The following PPIG variants were observed in gnomAD, a reference collection of about 807,000 sequenced individuals.
The protein encoded by PPIG is peptidylprolyl isomerase G.
PPIG carries 26 observed loss-of-function variants against 87.9 expected under a neutral mutation model. The ratio of observed to expected loss-of-function variants is 0.30; its 90% CI spans 0.22 to 0.41. The LOEUF is 0.41. PPIG is among the 10% of genes least tolerant of loss of function. PPIG has a pLI of 1.00. For missense variants in PPIG, 722 were observed against 879.4 expected (o/e 0.82, Z 2.26); for synonymous variants, 308 against 276.5 (o/e 1.11, Z -1.13).
In PPIG at chr2:169,631,756, G is replaced by A. The variant is rs551996680; in HGVS notation, c.762-10G>A. On this transcript the variant is annotated splice_polypyrimidine_tract_variant and intron_variant, in intron 10 of 13. Coordinates refer to ENST00000260970, the MANE Select transcript of PPIG (RefSeq NM_004792.3). ...ACTGTAACTTGTTTTGTGTGTTTCT[G>A]TCTGTTAAGTGCATCTAGTGAGAGT... The A allele has an allele frequency of 1.5e-5, 24 of 1,613,478 alleles. No individual in the cohort carries two copies. The highest frequency in any genetic ancestry group is 2.0e-5 in the Non-Finnish European group (24 of 1,179,768).
At chr2:169,597,972 A>G (rs767159165) in intron 1 of PPIG, among the ~76,000 whole-genome samples, 5 of 149,396 alleles carry the variant, frequency 3.3e-5, no homozygotes, top group Non-Finnish European at 7.4e-5. Flanking sequence ...AAGTGCTGGG[A>G]TTATAAGCAT....
At chr2:169,602,229 A>C (rs955911751) in intron 1 of PPIG, among the ~76,000 whole-genome samples, 2 of 151,980 alleles carry the variant, frequency 1.3e-5, no homozygotes, top group African/African-American at 4.8e-5. Context: ...ATTCAAAAAA[A>C]AAATCTGAAA....
At chr2:169,626,221 A>C (rs2105512955) in intron 9 of PPIG, among the ~76,000 whole-genome samples, 1 of 152,334 alleles carries the variant, frequency 6.6e-6, no homozygotes, top group Non-Finnish European at 1.5e-5. Context: ...CTCAAGCCAC[A>C]GTCTTACAGA....
intron 1 of PPIG, among the ~76,000 whole-genome samples, chr2:169,590,544 A>G (rs1027483901): frequency 1.3e-5 from 2 of 152,056 alleles, no homozygotes; most frequent in Admixed American, 1.3e-4. Context: ...CGGGAGGCTG[A>G]GGCAGAAGAA....
At chr2:169,623,715 T>C (rs1685812349) in intron 9 of PPIG, among the ~76,000 whole-genome samples, 1 of 152,132 alleles carries the variant, frequency 6.6e-6, no homozygotes, top group Non-Finnish European at 1.5e-5. Flanking sequence ...TATTGGAAAA[T>C]AGTGAGATGT....
intron 9 of PPIG, among the ~76,000 whole-genome samples, chr2:169,628,741 A>G (rs1332868842): frequency 6.6e-6 from 1 of 152,072 alleles, no homozygotes; most frequent in African/African-American, 2.4e-5. Flanking sequence ...GGAGTTCGAG[A>G]CTAGCCTAGG....
chr2:169,592,937 G>C (rs1684908435), intron 1 of PPIG, among the ~76,000 whole-genome samples: 1 of 152,056 alleles, frequency 6.6e-6, no homozygotes, highest in South Asian at 2.1e-4. Flanking sequence ...ACATATTCAA[G>C]GGATTTGTGT....
intron 9 of PPIG, among the ~76,000 whole-genome samples, chr2:169,618,906 C>G (rs1685672547): frequency 1.3e-5 from 2 of 151,324 alleles, no homozygotes; most frequent in Non-Finnish European, 2.9e-5. Flanking sequence ...TCGTCTTCTG[C>G]TAGCTTCTGC....
intron 11 of PPIG, among the ~76,000 whole-genome samples, 167 bp from the exon 12 acceptor site, chr2:169,632,993 G>T (rs958614177): frequency 2.6e-5 from 4 of 151,260 alleles, no homozygotes; most frequent in East Asian, 2.0e-4. Flanking sequence ...AGCCAGGATG[G>T]TCTCCATCTC....
At chr2:169,612,351 T>C (rs1373839875) in intron 7 of PPIG, among the ~76,000 whole-genome samples, 1 of 151,872 alleles carries the variant, frequency 6.6e-6, no homozygotes, top group Non-Finnish European at 1.5e-5. Flanking sequence ...CCAAGGTTTA[T>C]TTATATTGTA....
intron 7 of PPIG, among the ~76,000 whole-genome samples, chr2:169,613,322 A>G (rs983951903): frequency 6.6e-6 from 1 of 152,206 alleles, no homozygotes. Flanking sequence ...AAATTCAGCT[A>G]TATGTTATAA....
intron 11 of PPIG, among the ~76,000 whole-genome samples, chr2:169,632,817 G>T (rs575562639): frequency 1.3e-4 from 20 of 151,424 alleles, no homozygotes; most frequent in Non-Finnish European, 2.7e-4. Context: ...TCTTAGTTAT[G>T]ATCAGAAATA....
chr2:169,607,389 A>T (rs532018369), intron 6 of PPIG, among the ~76,000 whole-genome samples: 14 of 152,330 alleles, frequency 9.2e-5, no homozygotes, highest in African/African-American at 3.1e-4. Flanking sequence ...CTTAATTCTT[A>T]GAATTTTAAT....
Position 169,637,184 on chromosome 2 carries a change from C to T in PPIG, c.1926C>T (p.Asp642=), listed in dbSNP as rs773745082. The stretch of plus-strand genomic sequence containing the variant: ...AAGAAAGTCAAAGCAGAAACAAAGA[C>T]AAATACAGAAACCAAGAGAGTAAGA... ...EREESQSRNK[D]KYRNQESKSS... The change falls in exon 14 of 14, where the codon GAC becomes GAT. Residue 642 remains aspartate, a synonymous_variant. Coordinates refer to ENST00000260970, the MANE Select transcript of PPIG (RefSeq NM_004792.3). The T allele has an allele frequency of 8.1e-6, 13 of 1,612,988 alleles. No individual in the cohort carries two copies. The South Asian group carries it at 1.4e-4, about 18-fold the overall frequency.
intron 1 of PPIG, among the ~76,000 whole-genome samples, chr2:169,602,369 G>A (rs1211947175): frequency 6.6e-6 from 1 of 152,148 alleles, no homozygotes; most frequent in African/African-American, 2.4e-5. Context: ...AGGCTGGAGT[G>A]CAGTGGTGCA....
At chr2:169,602,736 G>A (rs1261190837) in intron 1 of PPIG, among the ~76,000 whole-genome samples, 1 of 152,194 alleles carries the variant, frequency 6.6e-6, no homozygotes, top group Non-Finnish European at 1.5e-5. Context: ...CTTTTCAGAT[G>A]AATAGTAAGA....
intron 7 of PPIG, among the ~76,000 whole-genome samples, chr2:169,612,485 G>A (rs1225602402): frequency 6.8e-6 from 1 of 147,584 alleles, no homozygotes; most frequent in Non-Finnish European, 1.5e-5. Flanking sequence ...CCGGGTTCAC[G>A]CCATTCTCCT....
chr2:169,584,665 C>T (rs758737528), intron 1 of PPIG, 175 bp downstream of exon 1: 2 of 366,084 alleles, frequency 5.5e-6, no homozygotes, highest in Non-Finnish European at 1.1e-5. Flanking sequence ...CCCTGAGGAC[C>T]GCAGCAGTGC....
chr2:169,588,377 G>T (rs1684765158), intron 1 of PPIG, among the ~76,000 whole-genome samples: 1 of 152,050 alleles, frequency 6.6e-6, no homozygotes, highest in Non-Finnish European at 1.5e-5. Context: ...AGTTTTTACC[G>T]TGAAATTGTA....
Sources: gnomAD v4.1 joint callset for allele counts (sites outside exome capture counted in the v4.1 genomes callset) on GRCh38, gnomAD v4.1.1 for gene constraint, MANE v1.5 for transcripts, NCBI Gene and HGNC (gene_info 2026-07-23, HGNC 2026-07-21) for gene names.